Variants in FFAR4 observed in about 807,000 individuals in gnomAD.
FFAR4 encodes the protein G-protein coupled receptor 120.
Under a neutral mutation model 27.0 loss-of-function variants are expected in FFAR4, and 19 were observed. The ratio of observed to expected loss-of-function variants is 0.70; its 90% CI spans 0.49 to 1.03. The LOEUF is 1.03. Ranked by LOEUF, FFAR4 falls within the 50% of genes least tolerant of loss-of-function variation. The pLI is 0.00. For synonymous variants in FFAR4, 254 were observed against 215.6 expected (o/e 1.18, Z -1.56); for missense variants, 476 against 479.0 (o/e 0.99, Z 0.06).
At chr10:93,570,804 G>A (rs1405806367) in intron 1 of FFAR4, among the ~76,000 whole-genome samples, 2 of 152,168 alleles carry the variant, frequency 1.3e-5, no homozygotes, top group Non-Finnish European at 2.9e-5. Flanking sequence ...TTGGTATTTG[G>A]AGTGGGCTTT....
At chr10:93,571,894 T>G (rs958673442) in intron 1 of FFAR4, among the ~76,000 whole-genome samples, 2 of 152,060 alleles carry the variant, frequency 1.3e-5, no homozygotes, top group Admixed American at 1.3e-4. Flanking sequence ...GGAAGAATCA[T>G]CAGAGAGACT....
chr10:93,583,169 A>AGTC (rs2058208328), intron 2 of FFAR4, among the ~76,000 whole-genome samples: 1 of 151,310 alleles, frequency 6.6e-6, no homozygotes, highest in East Asian at 1.9e-4. Context: ...TTGGGAGGCC[A>AGTC]AGGCGGGTGG....
intron 1 of FFAR4, 93 bp from the exon 2 acceptor site, chr10:93,575,998 C>T: frequency 7.8e-7 from 1 of 1,276,894 alleles, no homozygotes; most frequent in Non-Finnish European, 1.1e-6. Context: ...GGCAATGCAA[C>T]CGTGTAAGTG....
intron 1 of FFAR4, among the ~76,000 whole-genome samples, chr10:93,574,031 G>C (rs1209406455): frequency 6.6e-6 from 1 of 152,152 alleles, no homozygotes; most frequent in Non-Finnish European, 1.5e-5. Context: ...TCACTTTCTG[G>C]ATTGTATCCT....
chr10:93,579,988 C>T (rs2058188847), intron 2 of FFAR4, among the ~76,000 whole-genome samples: 1 of 152,230 alleles, frequency 6.6e-6, no homozygotes, highest in East Asian at 1.9e-4. Context: ...TTAAAAATTA[C>T]TTTCCACGTT....
In FFAR4 at chr10:93,576,177, G is replaced by A. The variant is rs200589394; in HGVS notation, c.654G>A (p.Val218=). 1 of 1,614,062 alleles carries A rather than the reference G, an allele frequency of 6.2e-7. No individual in the cohort carries two copies. The highest frequency in any genetic ancestry group is 1.7e-5 in the Admixed American group (1 of 60,010). Residue 218 remains valine, a synonymous_variant, in exon 2 of 3, where the codon GTG becomes GTA. Transcript: ENST00000371481. ...DVSFVTLNFL[V]PGLVIVISYS... ...CTTTTGTTACTTTGAACTTCTTGGT[G>A]CCAGGACTGGTCATTGTGATCAGTT... is the stretch of plus-strand genomic sequence containing the variant.
At chr10:93,572,813 G>A (rs1234174675) in intron 1 of FFAR4, among the ~76,000 whole-genome samples, 2 of 152,188 alleles carry the variant, frequency 1.3e-5, no homozygotes, top group Admixed American at 1.3e-4. Flanking sequence ...CAAGTCTGGG[G>A]TTCAGGAAAG....
At chr10:93,568,049 G>A (rs1035896374) in intron 1 of FFAR4, among the ~76,000 whole-genome samples, 2 of 152,178 alleles carry the variant, frequency 1.3e-5, no homozygotes, top group African/African-American at 4.8e-5. Context: ...GCTCATAGGG[G>A]TGGGAGTGAC....
At chr10:93,579,345 A>G in intron 2 of FFAR4, 3 of 753,882 alleles carry the variant, frequency 4.0e-6, no homozygotes, top group East Asian at 2.6e-5. Flanking sequence ...TTGTGTCCAC[A>G]TTGGCCTTGA....
At position 93,568,598 on chromosome 10, in the gene FFAR4, C is replaced by T. The variant is rs548201790; in HGVS notation, c.567+1311C>T. 5.9e-5 allele frequency among the ~76,000 whole-genome samples: 9 copies of T among 152,214 alleles called. No individual in the cohort carries two copies. In the East Asian group the frequency reaches 1.6e-3, roughly 26 times the overall value. On this transcript the variant is annotated intron_variant, in intron 1 of 2. Transcript: ENST00000371481. ...GGTTATGGAGATGCACACAGCCCACCAGGGACACCCCCTGACTGTGTGACC... is the reference window on the plus strand; with the variant it reads ...GGTTATGGAGATGCACACAGCCCACTAGGGACACCCCCTGACTGTGTGACC...
Position 93,567,261 on chromosome 10 carries a change from C to T in FFAR4, c.541C>T (p.Pro181Ser), listed in dbSNP as rs767639693. 2.5e-6 allele frequency: 4 copies of T among 1,600,218 alleles called. No homozygotes were observed. In the East Asian group the frequency reaches 6.7e-5, roughly 27 times the overall value. ...TCTCTGCGTCTTCTTCCGAGTCGTC[C>T]CGCAACGGCTCCCCGGCGCCGACCA... ...LPLCVFFRVV[P>S]QRLPGADQEI... The change falls in exon 1 of 3, where the codon CCG becomes TCG. Residue 181 changes from proline (P) to serine (S), a missense_variant. Physicochemically the swap from Pro to Ser is moderately conservative, Grantham distance 74 (BLOSUM62 -1). Coordinates refer to ENST00000371481, the MANE Select transcript of FFAR4 (RefSeq NM_001195755.2).
rs1181870983 is a variant in FFAR4, at chr10:93,587,229, G to A, written c.706G>A (p.Ala236Thr). 4 of 1,612,620 alleles carry A rather than the reference G, an allele frequency of 2.5e-6. No individual in the cohort carries two copies. The highest frequency in any genetic ancestry group is 4.5e-5 in the East Asian group (2 of 44,860). Residue 236 changes from alanine to threonine, a missense_variant, in exon 3 of 3, where the codon GCA (alanine) becomes ACA (threonine). Physicochemically the swap from Ala to Thr is moderately conservative, Grantham distance 58. Transcript: ENST00000371481. ...TTTTGGTTTTCCACAGATCACAAAG[G>A]CATCAAGGAAGAGGCTCACGGTAAG... is the stretch of plus-strand genomic sequence containing the variant. ...SYSKILQITK[A>T]SRKRLTVSLA...
At chr10:93,576,328 A>T in intron 2 of FFAR4, 109 bp downstream of exon 2, 1 of 1,127,636 alleles carries the variant, frequency 8.9e-7, no homozygotes, top group Non-Finnish European at 1.3e-6. Flanking sequence ...ACGCCAGCTC[A>T]ATCTTGATTC....
rs374941189 is a variant in FFAR4, at chr10:93,566,776, A to T, written c.56A>T (p.Gln19Leu). Residue 19 changes from glutamine to leucine, a missense_variant, in exon 1 of 3, where the codon CAA becomes CTA. Coordinates refer to ENST00000371481, the MANE Select transcript of FFAR4 (RefSeq NM_001195755.2). ...GACGCGCCCTTGCGCAGCCTGGAGC[A>T]AGCCAACCGCACCCGCTTTCCCTTC... ...AGDAPLRSLE[Q>L]ANRTRFPFFS... 3.7e-6 allele frequency: 6 copies of T among 1,608,404 alleles called. No homozygotes were observed. Among genetic ancestry groups the T allele is most frequent in the Middle Eastern group, 1.6e-4 (1 of 6,080 alleles).
chr10:93,567,401 T>A, intron 1 of FFAR4, 114 bp downstream of exon 1: 4 of 904,014 alleles, frequency 4.4e-6, no homozygotes, highest in Non-Finnish European at 6.6e-6. Flanking sequence ...TTATTGCACT[T>A]AATCGTTGTG....
At chr10:93,577,552 C>T (rs1456826403) in intron 2 of FFAR4, among the ~76,000 whole-genome samples, 4 of 152,196 alleles carry the variant, frequency 2.6e-5, no homozygotes, top group Non-Finnish European at 5.9e-5. Flanking sequence ...GAGGCAGATT[C>T]AGGCCTGGAG....
chr10:93,576,771 C>T (rs1163317944), intron 2 of FFAR4, among the ~76,000 whole-genome samples: 1 of 152,166 alleles, frequency 6.6e-6, no homozygotes, highest in Admixed American at 6.5e-5. Flanking sequence ...TTAGTGGCTA[C>T]AGATATGACT....
At chr10:93,576,258 G>A in intron 2 of FFAR4, 39 bp downstream of exon 2, 1 of 1,610,840 alleles carries the variant, frequency 6.2e-7, no homozygotes, top group Non-Finnish European at 8.5e-7. Flanking sequence ...ACTTCACCCA[G>A]GCTTGGGGTT....
intron 1 of FFAR4, among the ~76,000 whole-genome samples, chr10:93,573,701 G>A (rs2058145320): frequency 6.6e-6 from 1 of 152,208 alleles, no homozygotes; most frequent in Non-Finnish European, 1.5e-5. Context: ...GGGGGTGCCA[G>A]GCAGAGTTCT....
Sources: gnomAD v4.1 joint callset for allele counts (sites outside exome capture counted in the v4.1 genomes callset) on GRCh38, gnomAD v4.1.1 for gene constraint, MANE v1.5 for transcripts, NCBI Gene and HGNC (gene_info 2026-07-23, HGNC 2026-07-21) for gene names.